Variants in GRIK4 observed in about 807,000 individuals in gnomAD.
GRIK4 encodes the protein glutamate ionotropic receptor kainate type subunit 4.
In GRIK4, 40 loss-of-function variants were observed where a neutral mutation model predicts 104.9. The observed-to-expected ratio is 0.38, with a 90% CI of 0.30 to 0.50. The LOEUF (loss-of-function observed/expected upper bound fraction) is 0.50, where lower values mean the gene tolerates loss of function less well. Among genes scored for constraint, GRIK4 ranks in the 20% least tolerant of loss-of-function variants. The pLI is 0.93. For missense variants in GRIK4, 1,047 were observed against 1,308.1 expected (o/e 0.80, Z 3.08); for synonymous variants, 485 against 524.9 (o/e 0.92, Z 1.04).
chr11:120,986,739 T>A lies in GRIK4; in HGVS notation c.*479T>A, dbSNP rs1944762276. The A allele has an allele frequency of 6.5e-6, 1 of 152,730 alleles. No individual in the cohort carries two copies. Among genetic ancestry groups the A allele is most frequent in the Non-Finnish European group, 1.5e-5 (1 of 68,414 alleles). 9.5% of individuals were successfully genotyped at this position (152,730 alleles called of 1,614,324 possible). A position where few individuals can be genotyped will look rare whatever the true frequency, so the allele number is the denominator to read the frequency against. On this transcript the variant is annotated 3_prime_UTR_variant, in exon 21 of 21. Transcript: ENST00000527524. ...TTTTTGTTAATGTTCTTTTCCCTTT[T>A]CTTTCCTCCTCTCCTTTTCTTCTTT... is the stretch of plus-strand genomic sequence containing the variant.
intron 13 of GRIK4, among the ~76,000 whole-genome samples, chr11:120,921,004 T>C (rs1943216836): frequency 6.6e-6 from 1 of 152,134 alleles, no homozygotes; most frequent in Non-Finnish European, 1.5e-5. Context: ...ATTTGCGCCT[T>C]CTTCTTTCAA....
At position 120,788,828 on chromosome 11, in the gene GRIK4, G is replaced by A. The variant is rs141531724; in HGVS notation, c.83-13865G>A. 5.2e-3 allele frequency among the ~76,000 whole-genome samples: 778 copies of A among 150,910 alleles called. 4 individuals are homozygous for A. Among genetic ancestry groups the A allele is most frequent in the African/African-American group, 0.017 (716 of 40,950 alleles). On this transcript the variant is annotated intron_variant, in intron 3 of 20. Coordinates refer to ENST00000527524, the MANE Select transcript of GRIK4 (RefSeq NM_014619.5). ...ATTATGCCCCCTCCCTTCCCAGACC[G>A]GCTGCTTGGCTCTCTCCATTCACTT... is the stretch of plus-strand genomic sequence containing the variant.
intron 1 of GRIK4, among the ~76,000 whole-genome samples, chr11:120,547,758 C>A (rs897819534): frequency 2.6e-5 from 4 of 152,160 alleles, no homozygotes; most frequent in Non-Finnish European, 5.9e-5. Flanking sequence ...TAAATTCAGG[C>A]CCCTCCCCAT....
intron 3 of GRIK4, among the ~76,000 whole-genome samples, chr11:120,672,427 T>A (rs1050521612): frequency 6.6e-5 from 10 of 151,884 alleles, no homozygotes; most frequent in African/African-American, 2.4e-4. Flanking sequence ...AAAAAAAAAA[T>A]AGAAAAAAGA....
chr11:120,967,300 A>C lies in GRIK4; in HGVS notation c.2372A>C (p.Lys791Thr). The C allele has an allele frequency of 2.5e-6, 4 of 1,613,818 alleles. No homozygotes were observed. The highest frequency in any genetic ancestry group is 3.4e-6 in the Non-Finnish European group (4 of 1,179,812). The change falls in exon 19 of 21, where the codon AAG becomes ACG. Residue 791 changes from lysine to threonine, a missense_variant. Lys to Thr is a moderately conservative substitution (Grantham distance 78). This residue lies in a region of GRIK4 where 440 missense variants were observed against 652.3 expected (regional missense o/e 0.67). Coordinates refer to ENST00000527524, the MANE Select transcript of GRIK4 (RefSeq NM_014619.5). This position sits in a 1 kb window ranked among gnomAD's most constrained non-coding sequence, Gnocchi z 4.2. ...TGGTGGGAAGGAGGGAAGTGCCCCA[A>C]GGAGGAAGATCACAGAGCTAAAGGT... Reference protein sequence around the residue: ...RKWWEGGKCPKEEDHRAKGLG... With the variant: ...RKWWEGGKCPTEEDHRAKGLG...
chr11:120,717,686 A>G (rs1035333308), intron 3 of GRIK4, among the ~76,000 whole-genome samples: 1 of 152,152 alleles, frequency 6.6e-6, no homozygotes, highest in African/African-American at 2.4e-5. Context: ...CACCAAGGTG[A>G]GGAGAGGAGA....
At chr11:120,908,813 C>T (rs1295191950) in intron 13 of GRIK4, among the ~76,000 whole-genome samples, 1 of 152,244 alleles carries the variant, frequency 6.6e-6, no homozygotes, top group Admixed American at 6.5e-5. Flanking sequence ...CTCCCCAACA[C>T]TTCTAGGCTG....
chr11:120,896,661 G>A (rs988608122), intron 11 of GRIK4, among the ~76,000 whole-genome samples: 2 of 152,234 alleles, frequency 1.3e-5, no homozygotes, highest in African/African-American at 2.4e-5. Context: ...GAAGCAGGGA[G>A]CCACTCCCTC....
intron 3 of GRIK4, among the ~76,000 whole-genome samples, chr11:120,765,215 A>T (rs78409351): frequency 2.7e-5 from 4 of 150,838 alleles, no homozygotes; most frequent in Non-Finnish European, 5.9e-5. Flanking sequence ...TTGATCTTCA[A>T]TCTCTGATAT....
intron 1 of GRIK4, among the ~76,000 whole-genome samples, chr11:120,598,418 G>T (rs1401620601): frequency 1.4e-4 from 22 of 152,206 alleles, no homozygotes; most frequent in Admixed American, 1.4e-3. Flanking sequence ...ATCGGCTCCA[G>T]GGACATTTCC....
intron 3 of GRIK4, among the ~76,000 whole-genome samples, chr11:120,733,493 A>AT (rs959361490): frequency 2.0e-5 from 3 of 149,198 alleles, no homozygotes; most frequent in Admixed American, 1.3e-4. Flanking sequence ...TATCTGTTGT[A>AT]TTTTTTTGGG....
At chr11:120,713,158 C>T (rs1165010079) in intron 3 of GRIK4, among the ~76,000 whole-genome samples, 1 of 152,188 alleles carries the variant, frequency 6.6e-6, no homozygotes, top group Non-Finnish European at 1.5e-5. Context: ...CTCATGTTTT[C>T]CTCTTTTAAT....
At chr11:120,797,517 A>G (rs368053120) in intron 3 of GRIK4, among the ~76,000 whole-genome samples, 23 of 152,314 alleles carry the variant, frequency 1.5e-4, no homozygotes, top group African/African-American at 5.5e-4. Flanking sequence ...TGGTGTCCCA[A>G]GAGTGCCTGA....
chr11:120,666,376 G>A (rs1949914764), intron 3 of GRIK4, among the ~76,000 whole-genome samples: 1 of 152,214 alleles, frequency 6.6e-6, no homozygotes, highest in Non-Finnish European at 1.5e-5. Context: ...GTCCTGAATA[G>A]CCTGCTGGCA....
intron 16 of GRIK4, among the ~76,000 whole-genome samples, chr11:120,960,449 G>T (rs1333532367): frequency 1.3e-5 from 2 of 152,250 alleles, no homozygotes; most frequent in Non-Finnish European, 2.9e-5. Flanking sequence ...TAGGGATTAA[G>T]TGAGATAGTG....
intron 18 of GRIK4, among the ~76,000 whole-genome samples, chr11:120,964,210 T>A (rs1055866803): frequency 7.2e-5 from 11 of 152,062 alleles, no homozygotes; most frequent in African/African-American, 2.7e-4. Flanking sequence ...CAGGCTGGTC[T>A]TGAACTCCTG....
At chr11:120,697,286 CCT>C (rs1275625650) in intron 3 of GRIK4, among the ~76,000 whole-genome samples, 1 of 152,178 alleles carries the variant, frequency 6.6e-6, no homozygotes, top group African/African-American at 2.4e-5. Flanking sequence ...CTGAATGCCC[CCT>C]GTGTTGGAAG....
chr11:120,572,845 C>A (rs1475711378), intron 1 of GRIK4, among the ~76,000 whole-genome samples: 3 of 152,040 alleles, frequency 2.0e-5, no homozygotes, highest in East Asian at 3.9e-4. Context: ...GATTGAGGAA[C>A]AAATTAGTAA....
chr11:120,743,889 A>G (rs1009996742), intron 3 of GRIK4, among the ~76,000 whole-genome samples: 1 of 152,210 alleles, frequency 6.6e-6, no homozygotes, highest in Non-Finnish European at 1.5e-5. Flanking sequence ...GTAAAGAGAA[A>G]ACTATTTACT....
Sources: gnomAD v4.1 joint callset for allele counts (sites outside exome capture counted in the v4.1 genomes callset) on GRCh38, gnomAD v4.1.1 for gene constraint, gnomAD v4.1.1 regional missense constraint, Gnocchi (gnomAD v3.1) non-coding constraint, MANE v1.5 for transcripts, NCBI Gene and HGNC (gene_info 2026-07-23, HGNC 2026-07-21) for gene names.